The following CCSER1 variants were observed in gnomAD, a reference collection of about 807,000 sequenced individuals.
The protein encoded by CCSER1 is serine-rich coiled-coil domain-containing protein 1.
CCSER1 carries 41 observed loss-of-function variants against 82.0 expected under a neutral mutation model. The observed-to-expected ratio is 0.50, with a 90% confidence interval of 0.39 to 0.65. CCSER1 has a LOEUF of 0.65. Among genes scored for constraint, CCSER1 ranks in the 30% least tolerant of loss-of-function variants. CCSER1 has a pLI of 0.00. For synonymous variants in CCSER1, 414 were observed against 383.9 expected, an observed-to-expected ratio of 1.08 and a Z score of -0.92; for missense variants, 1,119 against 1,064.2, an observed-to-expected ratio of 1.05 and a Z score of -0.72.
At chr4:91,003,763 A>T (rs1357169293) in intron 9 of CCSER1, among the ~76,000 whole-genome samples, 1 of 151,872 alleles carries the variant, frequency 6.6e-6, no homozygotes, top group Non-Finnish European at 1.5e-5. Flanking sequence ...TGAAATTGTT[A>T]AAAAAAAGTT....
chr4:91,184,537 A>C (rs1341676661), intron 10 of CCSER1, among the ~76,000 whole-genome samples: 1 of 152,234 alleles, frequency 6.6e-6, no homozygotes, highest in Non-Finnish European at 1.5e-5. Flanking sequence ...AAACTGGAGA[A>C]TTCCAAGGGA....
chr4:90,311,839 C>T (rs939390089), intron 2 of CCSER1, among the ~76,000 whole-genome samples: 1 of 152,098 alleles, frequency 6.6e-6, no homozygotes, highest in East Asian at 1.9e-4. Context: ...TTTTCATTTA[C>T]TCATTCATTC....
intron 8 of CCSER1, among the ~76,000 whole-genome samples, chr4:90,901,169 C>G (rs1172389493): frequency 6.6e-6 from 1 of 151,742 alleles, no homozygotes; most frequent in East Asian, 1.9e-4. Context: ...TTACTTTGAG[C>G]CTAGGGCTGT....
intron 10 of CCSER1, among the ~76,000 whole-genome samples, chr4:91,305,941 C>A (rs184648154): frequency 1.3e-5 from 2 of 151,826 alleles, no homozygotes; most frequent in Admixed American, 1.3e-4. Context: ...GGAGAACATG[C>A]CCCCATGATT....
In CCSER1 at chr4:91,602,573, C is replaced by A. The variant is rs150655803; in HGVS notation, c.*3516C>A. On this transcript the variant is annotated 3_prime_UTR_variant, in exon 11 of 11. Transcript: ENST00000509176. ...ATTATAAAGAAATAGTAACCCATAG[C>A]AGTGGATAATTTGGAATACTTAGCA... 1.3e-5 allele frequency among the ~76,000 whole-genome samples: 2 copies of A among 151,934 alleles called. No homozygotes were observed.
chr4:91,359,964 G>A lies in CCSER1; in HGVS notation c.2218-238608G>A, dbSNP rs541833369. 1.4e-4 allele frequency among the ~76,000 whole-genome samples: 22 copies of A among 151,780 alleles called. 1 individual carries two copies. The highest frequency in any genetic ancestry group is 4.6e-4 in the Admixed American group (7 of 15,176). ...TATTTTGGCAAACAGATATTAAGGT[G>A]AGGGTCAATATTATCCCTGCAAGGT... On this transcript the variant is annotated intron_variant, in intron 10 of 10. Coordinates refer to ENST00000509176, the MANE Select transcript of CCSER1 (RefSeq NM_001145065.2).
At chr4:90,725,306 G>C (rs1743447014) in intron 7 of CCSER1, among the ~76,000 whole-genome samples, 1 of 151,262 alleles carries the variant, frequency 6.6e-6, no homozygotes, top group South Asian at 2.1e-4. Flanking sequence ...TTTTAACAGA[G>C]GTTAAAAAAG....
intron 7 of CCSER1, among the ~76,000 whole-genome samples, chr4:90,791,077 A>C (rs2149659498): frequency 6.6e-6 from 1 of 152,286 alleles, no homozygotes; most frequent in South Asian, 2.1e-4. Context: ...GCATGGCAGA[A>C]AGCACCTCTT....
chr4:90,511,277 G>T (rs889075265), intron 5 of CCSER1, among the ~76,000 whole-genome samples: 2 of 152,108 alleles, frequency 1.3e-5, no homozygotes, highest in African/African-American at 4.8e-5. Flanking sequence ...AACTAGCCGG[G>T]CGTGGTGGCA....
chr4:91,386,542 T>G (rs896486706), intron 10 of CCSER1, among the ~76,000 whole-genome samples: 16 of 152,080 alleles, frequency 1.1e-4, no homozygotes, highest in Non-Finnish European at 1.5e-5. Flanking sequence ...TAATAAAGGT[T>G]AGTCAAGAGT....
intron 7 of CCSER1, among the ~76,000 whole-genome samples, chr4:90,748,819 G>A (rs1421881059): frequency 6.7e-6 from 1 of 149,582 alleles, no homozygotes; most frequent in Admixed American, 6.7e-5. Flanking sequence ...GTGTTTTTTG[G>A]CTGCATAAAT....
intron 5 of CCSER1, among the ~76,000 whole-genome samples, chr4:90,603,838 G>A (rs1784311810): frequency 6.6e-6 from 1 of 152,150 alleles, no homozygotes; most frequent in Non-Finnish European, 1.5e-5. Context: ...TGATTTAGAA[G>A]CACAAGTTAG....
intron 10 of CCSER1, among the ~76,000 whole-genome samples, chr4:91,507,760 T>C (rs1159403674): frequency 6.6e-6 from 1 of 151,902 alleles, no homozygotes; most frequent in African/African-American, 2.4e-5. Context: ...TTTAATAAAC[T>C]TCAATTTATT....
At chr4:91,237,730 G>A (rs975529851) in intron 10 of CCSER1, among the ~76,000 whole-genome samples, 6 of 152,128 alleles carry the variant, frequency 3.9e-5, no homozygotes, top group African/African-American at 1.4e-4. Context: ...ACTGACAGAG[G>A]AGAGAGAAAG....
At chr4:91,412,079 A>G (rs1215072739) in intron 10 of CCSER1, among the ~76,000 whole-genome samples, 1 of 152,126 alleles carries the variant, frequency 6.6e-6, no homozygotes, top group Non-Finnish European at 1.5e-5. Flanking sequence ...TTGTAGGGGT[A>G]TTGGGATTCA....
intron 1 of CCSER1, among the ~76,000 whole-genome samples, chr4:90,304,259 A>T (rs1006924970): frequency 5.4e-4 from 83 of 152,326 alleles, no homozygotes; most frequent in Admixed American, 9.1e-4. Context: ...AGGGATCTAG[A>T]ACTACAAATA....
intron 10 of CCSER1, among the ~76,000 whole-genome samples, chr4:91,408,179 T>A (rs557186717): frequency 6.6e-6 from 1 of 152,318 alleles, no homozygotes; most frequent in Non-Finnish European, 1.5e-5. Flanking sequence ...GACATCAAAA[T>A]TGAAATGGAA....
At chr4:90,383,741 T>C (rs80216567) in intron 3 of CCSER1, among the ~76,000 whole-genome samples, 52,861 of 151,364 alleles carry the variant, frequency 0.35, 9,551 homozygotes, top group South Asian at 0.44. Flanking sequence ...CTTTTTTTTT[T>C]CTTTTTTAAA....
At chr4:91,058,146 C>T (rs978630053) in intron 9 of CCSER1, among the ~76,000 whole-genome samples, 2 of 152,032 alleles carry the variant, frequency 1.3e-5, no homozygotes, top group Non-Finnish European at 2.9e-5. Context: ...AGTTATTTTT[C>T]CTGATCCTCT....
Sources: gnomAD v4.1 joint callset for allele counts (sites outside exome capture counted in the v4.1 genomes callset) on GRCh38, gnomAD v4.1.1 for gene constraint, MANE v1.5 for transcripts, NCBI Gene and HGNC (gene_info 2026-07-23, HGNC 2026-07-21) for gene names.